GALNT13: variants seen among roughly 807,000 people sequenced by gnomAD.
GALNT13 encodes UDP-GalNAc:polypeptide N-acetylgalactosaminyltransferase 13.
GALNT13 carries 28 observed loss-of-function variants against 64.2 expected under a neutral mutation model. The ratio of observed to expected loss-of-function variants is 0.44; its 90% CI spans 0.32 to 0.60. The LOEUF (loss-of-function observed/expected upper bound fraction) is 0.60. GALNT13 is among the 20% of genes least tolerant of loss of function. The pLI is 0.05. For synonymous variants in GALNT13, 214 were observed against 224.6 expected (o/e 0.95, Z 0.42); for missense variants, 577 against 669.8 (o/e 0.86, Z 1.53).
chr2:154,299,748 C>T (rs1693317556), intron 8 of GALNT13, among the ~76,000 whole-genome samples: 1 of 151,992 alleles, frequency 6.6e-6, no homozygotes, highest in Admixed American at 6.6e-5. Flanking sequence ...CAGGCGTGAG[C>T]CACCGCGCCC....
intron 8 of GALNT13, among the ~76,000 whole-genome samples, chr2:154,296,131 A>G (rs765815593): frequency 1.3e-5 from 2 of 152,134 alleles, no homozygotes; most frequent in Non-Finnish European, 2.9e-5. Flanking sequence ...TCTATGTTCC[A>G]TGCTCTATAG....
At chr2:153,616,093 TTTAA>T in the GALNT13 span, among the ~76,000 whole-genome samples, 1 of 152,094 alleles carries the variant, frequency 6.6e-6, no homozygotes, top group Non-Finnish European at 1.5e-5. Context: ...TTTAATCCAT[TTTAA>T]TTAGATTTTT....
the GALNT13 span, among the ~76,000 whole-genome samples, chr2:153,690,130 TC>T: frequency 1.3e-5 from 2 of 152,148 alleles, no homozygotes; most frequent in African/African-American, 4.8e-5. Context: ...TCTACTGTGC[TC>T]ATTTGATTCT....
chr2:154,259,177 C>T, intron 8 of GALNT13, 39 bp downstream of exon 8: 1 of 1,140,640 alleles, frequency 8.8e-7, no homozygotes, highest in East Asian at 2.4e-5. Flanking sequence ...GCTGAACATA[C>T]AATGCTGTAG....
At chr2:154,248,907 C>A (rs569233970) in intron 7 of GALNT13, among the ~76,000 whole-genome samples, 1 of 152,258 alleles carries the variant, frequency 6.6e-6, no homozygotes, top group African/African-American at 2.4e-5. Flanking sequence ...TTTATTGTAA[C>A]AAATCCACTT....
intron 3 of GALNT13, among the ~76,000 whole-genome samples, chr2:154,137,056 T>C (rs1309702556): frequency 1.3e-5 from 2 of 151,832 alleles, no homozygotes; most frequent in Non-Finnish European, 2.9e-5. Context: ...GTGAGAAAAA[T>C]GTATAGAAAC....
chr2:153,672,920 C>G, the GALNT13 span, among the ~76,000 whole-genome samples: 566 of 151,422 alleles, frequency 3.7e-3, 2 homozygotes, highest in African/African-American at 0.013. Context: ...TCAGAGAATA[C>G]TATAAACGGC....
chr2:153,356,789 C>CTTTTTT, the GALNT13 span, among the ~76,000 whole-genome samples: 14 of 104,890 alleles, frequency 1.3e-4, 1 homozygote, highest in Non-Finnish European at 1.5e-4. Flanking sequence ...TCTTCTTCCT[C>CTTTTTT]TTTTTTTTTT....
the GALNT13 span, among the ~76,000 whole-genome samples, chr2:153,656,339 T>TGTGTGTGTGC: frequency 0.077 from 10,907 of 141,154 alleles, 420 homozygotes; most frequent in Non-Finnish European, 0.089. Flanking sequence ...TGTGTGTGTG[T>TGTGTGTGTGC]GCGCGCGCAC....
intron 2 of GALNT13, among the ~76,000 whole-genome samples, chr2:153,925,878 T>A (rs1462076629): frequency 1.3e-5 from 2 of 152,258 alleles, no homozygotes; most frequent in South Asian, 2.1e-4. Context: ...TGTATAGGAA[T>A]GCTAGCGATT....
At chr2:153,771,829 C>T in the GALNT13 span, among the ~76,000 whole-genome samples, 1 of 152,072 alleles carries the variant, frequency 6.6e-6, no homozygotes, top group African/African-American at 2.4e-5. Flanking sequence ...GGGAATATGC[C>T]TGGGTGTGAG....
intron 3 of GALNT13, among the ~76,000 whole-genome samples, chr2:153,973,558 A>G (rs1414200809): frequency 6.6e-6 from 1 of 151,988 alleles, no homozygotes; most frequent in African/African-American, 2.4e-5. Context: ...TTTTTATAAA[A>G]ATTATAAAAT....
At chr2:153,689,263 T>C in the GALNT13 span, among the ~76,000 whole-genome samples, 6 of 152,078 alleles carry the variant, frequency 3.9e-5, no homozygotes, top group African/African-American at 1.4e-4. Flanking sequence ...TCGAATAATA[T>C]GGATTTAATT....
chr2:153,587,972 C>A, the GALNT13 span, among the ~76,000 whole-genome samples: 1 of 152,202 alleles, frequency 6.6e-6, no homozygotes, highest in African/African-American at 2.4e-5. Context: ...AACAAAGGGG[C>A]TACAGGCCCC....
chr2:154,020,794 GTATTGCC>G, intron 3 of GALNT13, among the ~76,000 whole-genome samples: 1 of 151,940 alleles, frequency 6.6e-6, no homozygotes, highest in South Asian at 2.1e-4. Context: ...GTCCTGAATG[GTATTGCC>G]TAGGTTTTCT....
intron 9 of GALNT13, among the ~76,000 whole-genome samples, chr2:154,330,806 C>G (rs963428434): frequency 6.6e-6 from 1 of 152,108 alleles, no homozygotes; most frequent in South Asian, 2.1e-4. Context: ...GTTCAAATAA[C>G]AAAATGAATA....
chr2:153,382,848 GTCAA>G, the GALNT13 span, among the ~76,000 whole-genome samples: 1 of 151,918 alleles, frequency 6.6e-6, no homozygotes, highest in East Asian at 1.9e-4. Context: ...AAATTGAAAA[GTCAA>G]TCAATGGTCA....
chr2:153,101,278 A>C, the GALNT13 span, among the ~76,000 whole-genome samples: 1 of 152,062 alleles, frequency 6.6e-6, no homozygotes, highest in Non-Finnish European at 1.5e-5. Context: ...AAAATTCTCA[A>C]GTGTACCTAG....
At chr2:153,164,317 C>A in the GALNT13 span, among the ~76,000 whole-genome samples, 1 of 152,024 alleles carries the variant, frequency 6.6e-6, no homozygotes, top group African/African-American at 2.4e-5. Flanking sequence ...CATATATATT[C>A]CATTTTTTAA....
Sources: gnomAD v4.1 joint callset for allele counts (sites outside exome capture counted in the v4.1 genomes callset) on GRCh38, gnomAD v4.1.1 for gene constraint, MANE v1.5 for transcripts, NCBI Gene and HGNC (gene_info 2026-07-23, HGNC 2026-07-21) for gene names.